The following ZNF582 variants were observed in gnomAD, a reference collection of about 807,000 sequenced individuals.
The protein encoded by ZNF582 is zinc finger protein 582.
In ZNF582, 14 loss-of-function variants were observed where a neutral mutation model predicts 12.3. The observed-to-expected ratio is 1.14, with a 90% CI of 0.75 to 1.78. The LOEUF is 1.78. Among genes scored for constraint, ZNF582 ranks in the 40% most tolerant of loss-of-function variants. The pLI, the probability that ZNF582 is intolerant of heterozygous loss-of-function variation, is 0.00. For missense variants in ZNF582, 567 were observed against 616.5 expected, an observed-to-expected ratio of 0.92 and a Z score of 0.85; for synonymous variants, 210 against 207.2, an observed-to-expected ratio of 1.01 and a Z score of -0.11.
Position 56,384,105 on chromosome 19 carries a change from A to G in ZNF582, c.1312T>C (p.Leu438=), listed in dbSNP as rs761774333. 4 of 1,612,216 alleles carry G rather than the reference A, an allele frequency of 2.5e-6. No individual in the cohort carries two copies. In the African/African-American group the frequency reaches 4.0e-5, roughly 16 times the overall value. ...GTGTGAATAACCTGATGATGAATCAATTGTGAGCAATGACTAAAAGCCTTC... is the reference window on the plus strand; with the variant it reads ...GTGTGAATAACCTGATGATGAATCAGTTGTGAGCAATGACTAAAAGCCTTC... Residue 438 remains leucine (L), a synonymous_variant, in exon 5 of 5, where the codon TTG becomes CTG. Coordinates refer to ENST00000586929, the Ensembl canonical transcript of ZNF582.
exon 3 of ZNF582, chr19:56,390,397 G>A: frequency 1.9e-6 from 3 of 1,614,150 alleles, no homozygotes; most frequent in South Asian, 1.1e-5. Flanking sequence ...GGTTGCTGTA[G>A]GTCTCCAACA....
intron 2 of ZNF582, among the ~76,000 whole-genome samples, chr19:56,391,125 T>C (rs1349342584): frequency 1.3e-5 from 2 of 152,148 alleles, no homozygotes; most frequent in African/African-American, 4.8e-5. Flanking sequence ...GATCCCGAGG[T>C]TGGATCAGAT....
chr19:56,392,904 A>G (rs992933089), intron 1 of ZNF582, among the ~76,000 whole-genome samples: 1 of 152,156 alleles, frequency 6.6e-6, no homozygotes, highest in Non-Finnish European at 1.5e-5. Context: ...AATATGATGT[A>G]ATAGGCAGCT....
chr19:56,390,179 G>A, intron 3 of ZNF582, 83 bp from the exon 4 acceptor site: 2 of 1,408,438 alleles, frequency 1.4e-6, no homozygotes, highest in South Asian at 2.4e-5. Flanking sequence ...TCAAGCAGGA[G>A]AGGCAGTTGC....
chr19:56,393,390 C>T, exon 1 of ZNF582: 1 of 666,374 alleles, frequency 1.5e-6, no homozygotes, highest in Non-Finnish European at 2.4e-6. Flanking sequence ...CCGGCCCGGG[C>T]ACCAGCTCCT....
Position 56,391,836 on chromosome 19 carries a change from G to C in ZNF582, c.-80-4C>G. The C allele has an allele frequency of 1.2e-6, 2 of 1,613,424 alleles. No homozygotes were observed. The highest frequency in any genetic ancestry group is 1.7e-6 in the Non-Finnish European group (2 of 1,179,722). On this transcript the variant is annotated splice_region_variant and splice_polypyrimidine_tract_variant and intron_variant, in intron 1 of 4. Transcript: ENST00000586929. ...GCAGAGTCCTGCGACGGTAGAGCTG[G>C]GGGAGGAAAGAGCAAACATGAGAGG...
At chr19:56,387,342 T>C (rs894685180) in intron 4 of ZNF582, 2 of 152,238 alleles carry the variant, frequency 1.3e-5, no homozygotes, top group Admixed American at 1.3e-4. Flanking sequence ...CCCAACATTA[T>C]TGAAAATTAC....
intron 4 of ZNF582, among the ~76,000 whole-genome samples, chr19:56,387,919 A>G (rs1300030104): frequency 6.6e-6 from 1 of 152,236 alleles, no homozygotes. Flanking sequence ...GTTTTAAAAA[A>G]CATTTGAATG....
At chr19:56,385,028 C>G (rs147243655) in exon 5 of ZNF582, 2 of 1,613,998 alleles carry the variant, frequency 1.2e-6, no homozygotes, top group African/African-American at 2.7e-5. Flanking sequence ...TCCCTGTTGT[C>G]TGTCAAACTG....
At chr19:56,393,424 A>G (rs1167312408) in exon 1 of ZNF582, 2 of 570,058 alleles carry the variant, frequency 3.5e-6, no homozygotes, top group Non-Finnish European at 6.4e-6. Context: ...GCGCCTGGAA[A>G]GCTCCGGAAC....
chr19:56,393,232 T>G lies in ZNF582; in HGVS notation c.-93A>C. 1.9e-5 allele frequency: 24 copies of G among 1,255,480 alleles called. No homozygotes were observed. The highest frequency in any genetic ancestry group is 2.4e-5 in the Non-Finnish European group (24 of 980,330). 77.8% of individuals were successfully genotyped at this position (1,255,480 alleles called of 1,614,324 possible). A position where few individuals can be genotyped will look rare whatever the true frequency, so the allele number is the denominator to read the frequency against. ...CCTGCGCACCCACCTAAGGGGTCCA[T>G]GCACCTGGGCTATGAGGCTGGAAGC... On this transcript the variant is annotated 5_prime_UTR_variant, in exon 1 of 5. An upstream start codon of the reference 5' UTR is lost. Transcript: ENST00000586929.
chr19:56,383,209 T>G (rs1180983875), exon 5 of ZNF582: 1 of 152,180 alleles, frequency 6.6e-6, no homozygotes, highest in African/African-American at 2.4e-5. Flanking sequence ...AATGTAACAA[T>G]GTGGAAATTA....
chr19:56,393,529 G>T (rs1393220561), exon 1 of ZNF582: 1 of 479,644 alleles, frequency 2.1e-6, no homozygotes. Flanking sequence ...TGGATTCGCC[G>T]TGCGCAGCCG....
chr19:56,385,356 G>A (rs1334297061), intron 4 of ZNF582, among the ~76,000 whole-genome samples, 172 bp from the exon 5 acceptor site: 1 of 152,102 alleles, frequency 6.6e-6, no homozygotes, highest in Non-Finnish European at 1.5e-5. Context: ...ATGAGATGAG[G>A]GAGGCAATAA....
intron 4 of ZNF582, among the ~76,000 whole-genome samples, chr19:56,385,925 T>C (rs1025523219): frequency 5.3e-5 from 8 of 152,120 alleles, no homozygotes; most frequent in Admixed American, 5.2e-4. Context: ...AATAGCACAT[T>C]TTAAAAATGC....
intron 2 of ZNF582, among the ~76,000 whole-genome samples, chr19:56,390,825 C>T (rs1439063689): frequency 6.6e-6 from 1 of 152,154 alleles, no homozygotes; most frequent in Non-Finnish European, 1.5e-5. Flanking sequence ...ACAATAAATT[C>T]TCAAGGTGAG....
exon 5 of ZNF582, chr19:56,383,256 A>T (rs762537135): frequency 6.6e-6 from 1 of 152,256 alleles, no homozygotes; most frequent in Non-Finnish European, 1.5e-5. Context: ...TTTCTGGATC[A>T]GAAAGAAACA....
rs367621499 is a variant in ZNF582 at position 56,390,547 on chromosome 19, C to T, written c.10-46G>A. The T allele has an allele frequency of 7.5e-6, 12 of 1,607,162 alleles. No homozygotes were observed. In the African/African-American group the frequency reaches 1.3e-4, roughly 18 times the overall value. On this transcript the variant is annotated intron_variant, in intron 2 of 4. Transcript: ENST00000586929. The stretch of plus-strand genomic sequence containing the variant: ...GATATATATGTATTTCAATGGTTCA[C>T]AGTGGGATGAAAGGAGATGGGGCAG...
exon 5 of ZNF582, chr19:56,384,061 T>G: frequency 6.2e-7 from 1 of 1,611,122 alleles, no homozygotes; most frequent in Non-Finnish European, 8.5e-7. Flanking sequence ...ATTCCTTATA[T>G]TCATAGGGCT....
Sources: allele counts gnomAD v4.1 joint callset (sites outside exome capture counted in the v4.1 genomes callset), GRCh38; gene constraint gnomAD v4.1.1; transcripts MANE v1.5; gene names NCBI Gene and HGNC (gene_info 2026-07-23, HGNC 2026-07-21).